Variants in SPECC1 observed in about 807,000 individuals in gnomAD.
SPECC1 encodes sperm antigen with calponin homology and coiled-coil domains 1, also known as cytospin-B.
In SPECC1, 62 loss-of-function variants were observed where a neutral mutation model predicts 104.1. The ratio of observed to expected loss-of-function variants is 0.60; its 90% CI spans 0.49 to 0.74. The LOEUF (loss-of-function observed/expected upper bound fraction) is 0.74, where lower values mean the gene tolerates loss of function less well. Ranked by LOEUF, SPECC1 falls within the 30% of genes least tolerant of loss-of-function variation. The probability of loss-of-function intolerance (pLI) is 0.00; values close to 1 mark genes in which losing one functional copy is unlikely to be tolerated. For missense variants in SPECC1, 1,306 were observed against 1,310.5 expected (o/e 1.00, Z 0.05); for synonymous variants, 513 against 501.6 (o/e 1.02, Z -0.30).
At chr17:20,118,179 G>A (rs1245401899) in intron 3 of SPECC1, among the ~76,000 whole-genome samples, 1 of 151,658 alleles carries the variant, frequency 6.6e-6, no homozygotes, top group Non-Finnish European at 1.5e-5. Context: ...TAATACATTA[G>A]CAAAAATTAA....
intron 1 of SPECC1, among the ~76,000 whole-genome samples, chr17:20,070,140 G>A (rs35244101): frequency 0.29 from 43,939 of 152,034 alleles, 6,859 homozygotes; most frequent in Middle Eastern, 0.42. Flanking sequence ...AAAACCTCTG[G>A]TATAATGTTG....
chr17:20,246,631 A>T (rs953454360), intron 8 of SPECC1, among the ~76,000 whole-genome samples: 1 of 152,210 alleles, frequency 6.6e-6, no homozygotes, highest in Non-Finnish European at 1.5e-5. Flanking sequence ...CCCTTTAGTC[A>T]TGCTTATCTT....
chr17:20,241,472 G>C (rs1230902170), intron 7 of SPECC1, among the ~76,000 whole-genome samples: 2 of 152,158 alleles, frequency 1.3e-5, no homozygotes, highest in Non-Finnish European at 2.9e-5. Context: ...GGGGACATTA[G>C]TTGGGGTTTT....
chr17:20,141,283 C>G (rs1435638561), intron 3 of SPECC1, among the ~76,000 whole-genome samples: 1 of 152,218 alleles, frequency 6.6e-6, no homozygotes, highest in Non-Finnish European at 1.5e-5. Flanking sequence ...TAATAACTCT[C>G]TGTTGCCGTG....
At chr17:20,197,836 A>G (rs1567927406) in intron 3 of SPECC1, among the ~76,000 whole-genome samples, 1 of 152,236 alleles carries the variant, frequency 6.6e-6, no homozygotes, top group African/African-American at 2.4e-5. Context: ...TGACACGGAA[A>G]AAGAAATTCA....
intron 1 of SPECC1, among the ~76,000 whole-genome samples, chr17:20,057,018 G>A (rs1222299708): frequency 6.6e-6 from 1 of 152,098 alleles, no homozygotes; most frequent in East Asian, 1.9e-4. Context: ...GAGTGTTTTT[G>A]CTCTAACTGA....
intron 3 of SPECC1, among the ~76,000 whole-genome samples, chr17:20,199,676 T>C (rs1167437244): frequency 1.3e-5 from 2 of 152,156 alleles, no homozygotes; most frequent in Admixed American, 1.3e-4. Context: ...TTAAACTTTT[T>C]GAGGAAACTC....
At chr17:20,251,058 C>G (rs2039607868) in intron 9 of SPECC1, among the ~76,000 whole-genome samples, 2 of 151,772 alleles carry the variant, frequency 1.3e-5, no homozygotes, top group African/African-American at 4.8e-5. Flanking sequence ...GAAACCCCAT[C>G]TCTACTAAAA....
At chr17:20,182,663 G>A (rs183728445) in intron 3 of SPECC1, among the ~76,000 whole-genome samples, 5 of 152,294 alleles carry the variant, frequency 3.3e-5, no homozygotes, top group East Asian at 1.9e-4. Context: ...ATATAAGTAC[G>A]TATTTGTGAC....
chr17:20,197,685 C>T (rs1782865616), intron 3 of SPECC1, among the ~76,000 whole-genome samples: 1 of 152,172 alleles, frequency 6.6e-6, no homozygotes, highest in Non-Finnish European at 1.5e-5. Flanking sequence ...AGGACATAAA[C>T]AAGGTGGAGA....
At chr17:20,163,276 A>G (rs1475609775) in intron 3 of SPECC1, among the ~76,000 whole-genome samples, 6 of 152,152 alleles carry the variant, frequency 3.9e-5, no homozygotes, top group African/African-American at 1.4e-4. Context: ...AGCTCTTGAA[A>G]TTTTCAAGTT....
At chr17:20,067,865 C>G (rs186933838) in intron 1 of SPECC1, among the ~76,000 whole-genome samples, 34 of 152,276 alleles carry the variant, frequency 2.2e-4, no homozygotes, top group African/African-American at 7.7e-4. Flanking sequence ...ACCACCCTTC[C>G]ATCGCTCCTT....
At chr17:20,121,362 CT>C (rs11338495) in intron 3 of SPECC1, among the ~76,000 whole-genome samples, 47,600 of 136,090 alleles carry the variant, frequency 0.35, 9,002 homozygotes, top group Middle Eastern at 0.48. Context: ...ATTCTGAATT[CT>C]TTTTTTTGTT....
At chr17:20,157,132 G>A (rs1034265324) in intron 3 of SPECC1, among the ~76,000 whole-genome samples, 3 of 152,134 alleles carry the variant, frequency 2.0e-5, no homozygotes, top group Non-Finnish European at 4.4e-5. Flanking sequence ...GACCTTTTCC[G>A]GAGCTGGGTG....
At chr17:20,255,750 G>A (rs2039802245) in intron 10 of SPECC1, among the ~76,000 whole-genome samples, 1 of 152,152 alleles carries the variant, frequency 6.6e-6, no homozygotes, top group Non-Finnish European at 1.5e-5. Context: ...ATTTTGTGGG[G>A]GGATAGAGAC....
intron 11 of SPECC1, among the ~76,000 whole-genome samples, chr17:20,259,101 G>A (rs927431680): frequency 6.6e-6 from 1 of 152,110 alleles, no homozygotes; most frequent in Admixed American, 6.5e-5. Context: ...CACAAATATG[G>A]GTATTATAGA....
At chr17:20,045,233 A>AACTTT (rs2045492856) in intron 1 of SPECC1, among the ~76,000 whole-genome samples, 1 of 152,154 alleles carries the variant, frequency 6.6e-6, no homozygotes, top group African/African-American at 2.4e-5. Flanking sequence ...GTTTTCACGT[A>AACTTT]ACACACAGCT....
At chr17:20,057,458 A>C (rs1009292601) in intron 1 of SPECC1, among the ~76,000 whole-genome samples, 1 of 151,958 alleles carries the variant, frequency 6.6e-6, no homozygotes, top group Non-Finnish European at 1.5e-5. Context: ...ACAAACAACA[A>C]CAACAACAGC....
At chr17:20,163,438 G>A (rs1294521593) in intron 3 of SPECC1, among the ~76,000 whole-genome samples, 4 of 151,866 alleles carry the variant, frequency 2.6e-5, no homozygotes, top group African/African-American at 9.7e-5. Context: ...GTATATTTAG[G>A]TTCTTGTTAA....
Sources: gnomAD v4.1 joint callset for allele counts (sites outside exome capture counted in the v4.1 genomes callset) on GRCh38, gnomAD v4.1.1 for gene constraint, MANE v1.5 for transcripts, NCBI Gene and HGNC (gene_info 2026-07-23, HGNC 2026-07-21) for gene names.